The following GCNT1 variants were observed in gnomAD, a reference collection of about 807,000 sequenced individuals.
GCNT1 encodes beta-1,3-galactosyl-O-glycosyl-glycoprotein beta-1,6-N-acetylglucosaminyltransferase.
In GCNT1, 16 loss-of-function variants were observed where a neutral mutation model predicts 26.2. The ratio of observed to expected loss-of-function variants is 0.61; its 90% CI spans 0.41 to 0.93. The LOEUF is 0.93. Ranked by LOEUF, GCNT1 falls within the 40% of genes least tolerant of loss-of-function variation. The pLI, the probability that GCNT1 is intolerant of heterozygous loss-of-function variation, is 0.00. For synonymous variants in GCNT1, 183 were observed against 190.8 expected (o/e 0.96, Z 0.34); for missense variants, 477 against 526.7 (o/e 0.91, Z 0.92).
chr9:76,487,142 G>A (rs1214199350), intron 2 of GCNT1, among the ~76,000 whole-genome samples: 1 of 152,140 alleles, frequency 6.6e-6, no homozygotes, highest in Non-Finnish European at 1.5e-5. Flanking sequence ...CCTAAGATGA[G>A]ATGAGGCTAT....
chr9:76,396,761 G>A, the GCNT1 span, among the ~76,000 whole-genome samples: 1 of 152,202 alleles, frequency 6.6e-6, no homozygotes, highest in African/African-American at 2.4e-5. Flanking sequence ...AGAGTCGCTC[G>A]AACCTGGCGG....
intron 2 of GCNT1, among the ~76,000 whole-genome samples, chr9:76,497,085 C>G (rs777192079): frequency 6.6e-6 from 1 of 152,198 alleles, no homozygotes; most frequent in East Asian, 1.9e-4. Context: ...GTTGTCCTCA[C>G]TGGCAAATCC....
At chr9:76,464,029 T>C (rs749013302) in intron 2 of GCNT1, among the ~76,000 whole-genome samples, 4 of 141,464 alleles carry the variant, frequency 2.8e-5, no homozygotes, top group African/African-American at 1.1e-4. Context: ...GACTCCCATC[T>C]CTTTTTTTGT....
intron 1 of GCNT1, among the ~76,000 whole-genome samples, chr9:76,430,115 T>C (rs1051601702): frequency 6.6e-6 from 1 of 152,180 alleles, no homozygotes; most frequent in African/African-American, 2.4e-5. Flanking sequence ...CTCTAGCCTT[T>C]GGTGGCAAAA....
intron 2 of GCNT1, among the ~76,000 whole-genome samples, chr9:76,465,482 G>A (rs1365693960): frequency 6.6e-6 from 1 of 152,102 alleles, no homozygotes; most frequent in Non-Finnish European, 1.5e-5. Context: ...AGAGAGGTAG[G>A]TCCTGCTGGC....
chr9:76,461,284 AT>A (rs1823865420), intron 2 of GCNT1, among the ~76,000 whole-genome samples: 1 of 143,320 alleles, frequency 7.0e-6, no homozygotes, highest in Admixed American at 7.2e-5. Flanking sequence ...ATTGGCTCAT[AT>A]TTTTTCCTTT....
intron 2 of GCNT1, among the ~76,000 whole-genome samples, chr9:76,461,443 C>T (rs370032886): frequency 1.0e-3 from 153 of 151,334 alleles, no homozygotes; most frequent in African/African-American, 3.5e-3. Flanking sequence ...ATTAGCTGGG[C>T]GTGGTGGCTA....
Position 76,503,031 on chromosome 9 carries a change from G to A in GCNT1, c.650G>A (p.Cys217Tyr). 1.2e-6 allele frequency: 2 copies of A among 1,614,020 alleles called. No individual in the cohort carries two copies. Among genetic ancestry groups the A allele is most frequent in the Non-Finnish European group, 1.7e-6 (2 of 1,180,030 alleles). Reference sequence around the variant, plus strand: ...AACTGGAAGTACTTGATAAATCTTTGTGGTATGGATTTTCCCATTAAAACC... The same window carrying A: ...AACTGGAAGTACTTGATAAATCTTTATGGTATGGATTTTCCCATTAAAACC... ...SANWKYLINL[C>Y]GMDFPIKTNL... Residue 217 changes from cysteine to tyrosine, a missense_variant, in exon 4 of 4, where the codon TGT (cysteine) becomes TAT (tyrosine). Transcript: ENST00000376730.
intron 2 of GCNT1, among the ~76,000 whole-genome samples, chr9:76,491,219 C>G (rs1824728733): frequency 6.8e-6 from 1 of 148,126 alleles, no homozygotes; most frequent in South Asian, 2.1e-4. Context: ...CTGTCTCTTC[C>G]TCTCTCTCTC....
At chr9:76,418,034 G>A (rs1287110601), upstream of GCNT1, among the ~76,000 whole-genome samples, 1 of 152,096 alleles carries the variant, frequency 6.6e-6, no homozygotes, top group Non-Finnish European at 1.5e-5. Flanking sequence ...AGGTGGTCGG[G>A]GTACAGCCTA....
chr9:76,457,015 G>C (rs1342574821), upstream of GCNT1, among the ~76,000 whole-genome samples: 2 of 152,168 alleles, frequency 1.3e-5, no homozygotes, highest in African/African-American at 2.4e-5. Flanking sequence ...TATACAGGCA[G>C]TATCCAACTG....
chr9:76,407,739 A>G, the GCNT1 span, among the ~76,000 whole-genome samples: 1 of 152,198 alleles, frequency 6.6e-6, no homozygotes, highest in Admixed American at 6.5e-5. Flanking sequence ...TGAATTGCCA[A>G]TCCTTGAACA....
At chr9:76,419,059 G>T (rs556676114), upstream of GCNT1, among the ~76,000 whole-genome samples, 2 of 152,156 alleles carry the variant, frequency 1.3e-5, no homozygotes. Context: ...TTTTAGTTCA[G>T]TATACCAAAA....
the GCNT1 span, among the ~76,000 whole-genome samples, chr9:76,401,719 C>G: frequency 6.6e-6 from 1 of 152,118 alleles, no homozygotes; most frequent in Non-Finnish European, 1.5e-5. Context: ...AGACCTCTAG[C>G]TTATATAAAC....
chr9:76,464,068 A>T (rs115095795), intron 2 of GCNT1, among the ~76,000 whole-genome samples: 30 of 150,074 alleles, frequency 2.0e-4, no homozygotes, highest in African/African-American at 5.4e-4. Context: ...AAATAATAAT[A>T]AAAAAAAGGC....
chr9:76,438,284 G>C (rs917310097), upstream of GCNT1, among the ~76,000 whole-genome samples: 2 of 152,208 alleles, frequency 1.3e-5, no homozygotes, highest in Non-Finnish European at 2.9e-5. Flanking sequence ...GGTGTGGGGG[G>C]TGGCTTCCAG....
intron 2 of GCNT1, among the ~76,000 whole-genome samples, chr9:76,490,179 C>G (rs1230225760): frequency 4.0e-5 from 6 of 151,714 alleles, no homozygotes; most frequent in African/African-American, 1.5e-4. Flanking sequence ...CGTACTATCC[C>G]TGACTGGTTA....
chr9:76,493,215 T>G (rs1192400687), intron 2 of GCNT1, among the ~76,000 whole-genome samples: 1 of 152,156 alleles, frequency 6.6e-6, no homozygotes, highest in Non-Finnish European at 1.5e-5. Context: ...CCCCATGATC[T>G]GAGTTGAGGT....
Position 76,502,810 on chromosome 9 carries a change from C to G in GCNT1, c.429C>G (p.Ile143Met), listed in dbSNP as rs1171763745. 3.1e-6 allele frequency: 5 copies of G among 1,613,982 alleles called. No homozygotes were observed. The highest frequency in any genetic ancestry group is 4.2e-6 in the Non-Finnish European group (5 of 1,179,978). Residue 143 changes from isoleucine to methionine, a missense_variant, in exon 4 of 4, where the codon ATC becomes ATG. Physicochemically the swap from Ile to Met is conservative, Grantham distance 10. Transcript: ENST00000376730. Reference protein sequence around the residue: ...IEMLDRLLRAIYMPQNFYCIH... With the variant: ...IEMLDRLLRAMYMPQNFYCIH... ...TGCTTGACAGGCTGCTGAGGGCCAT[C>G]TATATGCCTCAGAATTTCTATTGCA...
Sources: gnomAD v4.1 joint callset for allele counts (sites outside exome capture counted in the v4.1 genomes callset) on GRCh38, gnomAD v4.1.1 for gene constraint, MANE v1.5 for transcripts, NCBI Gene and HGNC (gene_info 2026-07-23, HGNC 2026-07-21) for gene names.